The following CAMLG variants were observed in gnomAD, a reference collection of about 807,000 sequenced individuals.
CAMLG encodes guided entry of tail-anchored proteins factor CAMLG.
CAMLG carries 23 observed loss-of-function variants against 28.9 expected under a neutral mutation model. The ratio of observed to expected loss-of-function variants is 0.80; its 90% confidence interval spans 0.57 to 1.13. The LOEUF (loss-of-function observed/expected upper bound fraction) is 1.13. CAMLG is among the 50% of genes most tolerant of loss of function. The pLI is 0.00. For synonymous variants in CAMLG, 141 were observed against 146.5 expected (o/e 0.96, Z 0.27); for missense variants, 367 against 371.9 (o/e 0.99, Z 0.11).
intron 1 of CAMLG, 127 bp downstream of exon 1, chr5:134,738,919 C>A (rs1362001285): frequency 9.9e-6 from 9 of 908,364 alleles, no homozygotes; most frequent in African/African-American, 1.7e-5. Context: ...TCCTCTCTGT[C>A]CCGCCCCTTC....
chr5:134,740,896 C>T (rs1023171979), intron 1 of CAMLG, among the ~76,000 whole-genome samples, 167 bp from the exon 2 acceptor site: 10 of 152,236 alleles, frequency 6.6e-5, no homozygotes, highest in Admixed American at 1.3e-4. Context: ...GCGTGAGCCA[C>T]GGCACCTGGC....
rs944956424 is a variant in CAMLG at position 134,751,580 on chromosome 5, C to T, written c.*630C>T. 7 of 152,184 alleles carry T rather than the reference C, an allele frequency of 4.6e-5. No individual in the cohort carries two copies. The allele number at this position is 152,184 out of a possible 1,614,324, so 9.4% of individuals were successfully genotyped here. On this transcript the variant is annotated 3_prime_UTR_variant, in exon 4 of 4. Coordinates refer to ENST00000297156, the MANE Select transcript of CAMLG (RefSeq NM_001745.4). ...TCACTTTTTAGAAGTATGTTTTAAG[C>T]AAGCAAAAACAAAATGGGATGTGAA...
chr5:134,743,695 G>A (rs1392244292), intron 2 of CAMLG, among the ~76,000 whole-genome samples: 1 of 151,964 alleles, frequency 6.6e-6, no homozygotes, highest in African/African-American at 2.4e-5. Context: ...GTGAAACCCT[G>A]TCTCTACTAA....
chr5:134,747,795 C>T (rs1753068507), intron 3 of CAMLG, among the ~76,000 whole-genome samples: 1 of 151,560 alleles, frequency 6.6e-6, no homozygotes, highest in Admixed American at 6.6e-5. Context: ...GCACACGCCA[C>T]CAAGCCCAGC....
Position 134,738,651 on chromosome 5 carries a change from G to C in CAMLG, c.31G>C (p.Gly11Arg). MESMAVATDG[G>R]ERPGVPAGSG... ...GTCGATGGCCGTCGCTACCGACGGC[G>C]GGGAGAGGCCGGGGGTCCCAGCGGG... is the stretch of plus-strand genomic sequence containing the variant. The change falls in exon 1 of 4, where the codon GGG (glycine) becomes CGG (arginine). Residue 11 changes from glycine (G) to arginine (R), a missense_variant. By Grantham distance (125) the Gly-to-Arg change is moderately radical. Coordinates refer to ENST00000297156, the MANE Select transcript of CAMLG (RefSeq NM_001745.4). 1 of 1,612,664 alleles carries C rather than the reference G, an allele frequency of 6.2e-7. No homozygotes were observed. The highest frequency in any genetic ancestry group is 8.5e-7 in the Non-Finnish European group (1 of 1,179,576).
rs1753072808 is a variant in CAMLG at position 134,748,090 on chromosome 5, C to G, written c.700-2669C>G. 2.0e-5 allele frequency among the ~76,000 whole-genome samples: 3 copies of G among 151,918 alleles called. No homozygotes were observed. The South Asian group carries it at 6.3e-4, about 32-fold the overall frequency. ...TGTTGGCCAAGACAGCCTTGATCTC[C>G]TGACCTGATTATCTGCCCACCTCGG... On this transcript the variant is annotated intron_variant, in intron 3 of 3. Transcript: ENST00000297156.
chr5:134,750,269 G>C (rs1226776769), intron 3 of CAMLG, among the ~76,000 whole-genome samples: 1 of 152,172 alleles, frequency 6.6e-6, no homozygotes, highest in Non-Finnish European at 1.5e-5. Context: ...GCCAGGTGCA[G>C]TGGCTCACAC....
rs750029344 is a variant in CAMLG at position 134,750,973 on chromosome 5, A to C, written c.*23A>C. The C allele has an allele frequency of 2.6e-6, 4 of 1,555,224 alleles. No homozygotes were observed. The highest frequency in any genetic ancestry group is 4.5e-5 in the East Asian group (2 of 44,478). On this transcript the variant is annotated 3_prime_UTR_variant, in exon 4 of 4. Coordinates refer to ENST00000297156, the MANE Select transcript of CAMLG (RefSeq NM_001745.4). ...TGAAGCCTGTAGAACTGAGAAGGAG[A>C]AGCTTACAAAAAAAAAAAAATCCTC...
chr5:134,750,819 G>A lies in CAMLG; in HGVS notation c.760G>A (p.Ala254Thr), dbSNP rs776554963. 1.2e-6 allele frequency: 2 copies of A among 1,613,794 alleles called. No homozygotes were observed. Among genetic ancestry groups the A allele is most frequent in the African/African-American group, 2.7e-5 (2 of 74,926 alleles). Reference protein sequence around the residue: ...TAALLLSGIPAEVINRSMDTY... With the variant: ...TAALLLSGIPTEVINRSMDTY... The stretch of plus-strand genomic sequence containing the variant: ...TGCACTTCTATTGTCGGGAATTCCT[G>A]CCGAAGTGATAAATCGATCAATGGA... Residue 254 changes from alanine to threonine, a missense_variant, in exon 4 of 4, where the codon GCC becomes ACC. Physicochemically the swap from Ala to Thr is moderately conservative, Grantham distance 58. Transcript: ENST00000297156.
chr5:134,748,724 A>C (rs529915892), intron 3 of CAMLG, among the ~76,000 whole-genome samples: 1 of 152,202 alleles, frequency 6.6e-6, no homozygotes, highest in Non-Finnish European at 1.5e-5. Context: ...AGGCAGTCCC[A>C]GTCCCTATAC....
At chr5:134,744,387 G>A (rs1753020953) in intron 3 of CAMLG, among the ~76,000 whole-genome samples, 1 of 152,050 alleles carries the variant, frequency 6.6e-6, no homozygotes, top group South Asian at 2.1e-4. Context: ...AGCCAGGTAT[G>A]GTGACGCACA....
chr5:134,749,741 G>A (rs1049622298), intron 3 of CAMLG, among the ~76,000 whole-genome samples: 5 of 152,092 alleles, frequency 3.3e-5, no homozygotes, highest in African/African-American at 1.2e-4. Context: ...TTTTGGAGAC[G>A]GGGGTCTCAC....
chr5:134,748,220 C>T (rs1360675975), intron 3 of CAMLG, among the ~76,000 whole-genome samples: 3 of 151,988 alleles, frequency 2.0e-5, no homozygotes, highest in East Asian at 1.9e-4. Flanking sequence ...TGTGAGCCAC[C>T]GCACCTGGCT....
At chr5:134,739,555 T>C (rs1030662269) in intron 1 of CAMLG, among the ~76,000 whole-genome samples, 1 of 152,176 alleles carries the variant, frequency 6.6e-6, no homozygotes, top group Non-Finnish European at 1.5e-5. Flanking sequence ...TTAAAAAAAA[T>C]TTATTTCACG....
rs777356231 is a variant in CAMLG, at chr5:134,744,021, C to G, written c.668C>G (p.Ala223Gly). ...GCTCCATTTCTTACTTTACAACTTG[C>G]GTACATGGGATTATACAAATATTTT... ...IFAPFLTLQLAYMGLYKYFPK... is the reference protein window; with the variant it reads ...IFAPFLTLQLGYMGLYKYFPK... The change falls in exon 3 of 4, where the codon GCG (alanine) becomes GGG (glycine). Residue 223 changes from alanine to glycine, a missense_variant. Transcript: ENST00000297156. 2.1e-6 allele frequency: 3 copies of G among 1,443,252 alleles called. No homozygotes were observed. The highest frequency in any genetic ancestry group is 2.9e-6 in the Non-Finnish European group (3 of 1,027,652). 89.4% of individuals were successfully genotyped at this position (1,443,252 alleles called of 1,614,324 possible). A position where few individuals can be genotyped will look rare whatever the true frequency, so the allele number is the denominator to read the frequency against.
chr5:134,741,021 G>A (rs1752975443), intron 1 of CAMLG, 42 bp from the exon 2 acceptor site: 1 of 1,367,102 alleles, frequency 7.3e-7, no homozygotes, highest in African/African-American at 1.4e-5. Context: ...GTGTTTGCCA[G>A]TATGGAATAA....
At chr5:134,742,444 T>C (rs540177483) in intron 2 of CAMLG, among the ~76,000 whole-genome samples, 13 of 152,360 alleles carry the variant, frequency 8.5e-5, no homozygotes, top group African/African-American at 3.1e-4. Context: ...CTGTATATTA[T>C]CAATTTTCAA....
At chr5:134,738,857 C>T (rs773205609) in intron 1 of CAMLG, 65 bp downstream of exon 1, 1 of 1,476,294 alleles carries the variant, frequency 6.8e-7, no homozygotes, top group Non-Finnish European at 9.4e-7. Context: ...TCATTCTTCC[C>T]TCTCCCACCT....
intron 2 of CAMLG, among the ~76,000 whole-genome samples, 164 bp from the exon 3 acceptor site, chr5:134,743,823 G>T (rs1212159631): frequency 6.6e-6 from 1 of 152,016 alleles, no homozygotes; most frequent in Non-Finnish European, 1.5e-5. Context: ...CCAAGATCGT[G>T]CCACTGCACT....
Sources: gnomAD v4.1 joint callset for allele counts (sites outside exome capture counted in the v4.1 genomes callset) on GRCh38, gnomAD v4.1.1 for gene constraint, MANE v1.5 for transcripts, NCBI Gene and HGNC (gene_info 2026-07-23, HGNC 2026-07-21) for gene names.